The following GRIK1 variants were observed in gnomAD, a reference collection of about 807,000 sequenced individuals.
GRIK1 encodes glutamate ionotropic receptor kainate type subunit 1.
Under a neutral mutation model 105.7 loss-of-function variants are expected in GRIK1, and 69 were observed. The ratio of observed to expected loss-of-function variants is 0.65; its 90% CI spans 0.54 to 0.80. GRIK1 has a LOEUF of 0.80. Among genes scored for constraint, GRIK1 ranks in the 30% least tolerant of loss-of-function variants. GRIK1 has a pLI of 0.00. For missense variants in GRIK1, 1,109 were observed against 1,167.3 expected, an observed-to-expected ratio of 0.95 and a Z score of 0.73; for synonymous variants, 438 against 431.3, an observed-to-expected ratio of 1.02 and a Z score of -0.19.
intron 1 of GRIK1, among the ~76,000 whole-genome samples, chr21:29,698,130 C>T (rs973994133): frequency 8.6e-5 from 13 of 151,794 alleles, no homozygotes; most frequent in African/African-American, 3.1e-4. Flanking sequence ...GTCAATGAGA[C>T]GTCTGAAGGC....
At chr21:29,746,734 A>G (rs1203451258) in intron 1 of GRIK1, among the ~76,000 whole-genome samples, 2 of 152,244 alleles carry the variant, frequency 1.3e-5, no homozygotes, top group Non-Finnish European at 2.9e-5. Context: ...AGGACATTAA[A>G]AGAGATGACA....
chr21:29,811,721 T>C (rs1325829743), intron 1 of GRIK1, among the ~76,000 whole-genome samples: 1 of 152,144 alleles, frequency 6.6e-6, no homozygotes, highest in Non-Finnish European at 1.5e-5. Flanking sequence ...CGTGACTTCC[T>C]ATCCTCAGTG....
At chr21:29,545,733 C>A (rs1434638362) in intron 16 of GRIK1, among the ~76,000 whole-genome samples, 1 of 152,086 alleles carries the variant, frequency 6.6e-6, no homozygotes, top group East Asian at 1.9e-4. Context: ...GCACTACATG[C>A]ATAGTTTTCG....
intron 1 of GRIK1, among the ~76,000 whole-genome samples, chr21:29,694,313 G>A (rs1302457265): frequency 1.3e-5 from 2 of 151,838 alleles, no homozygotes; most frequent in Admixed American, 6.6e-5. Context: ...TAGTAGAGAT[G>A]GGGTTTCCCC....
At chr21:29,643,031 A>G (rs528668269) in intron 6 of GRIK1, 62 bp from the exon 7 acceptor site, 2 of 1,479,270 alleles carry the variant, frequency 1.4e-6, no homozygotes, top group Middle Eastern at 1.8e-4. Flanking sequence ...CTTTACTTGC[A>G]TAATCACTCT....
chr21:29,668,466 G>A (rs1001848673), intron 4 of GRIK1, among the ~76,000 whole-genome samples: 7 of 152,192 alleles, frequency 4.6e-5, no homozygotes, highest in African/African-American at 1.2e-4. Flanking sequence ...GCTGTGTCAC[G>A]TGGCCAGAAA....
intron 1 of GRIK1, among the ~76,000 whole-genome samples, chr21:29,772,587 TC>T (rs1240485976): frequency 1.3e-5 from 2 of 152,136 alleles, no homozygotes; most frequent in East Asian, 1.9e-4. Context: ...CTATTTGTCA[TC>T]CCCCCCACCC....
chr21:29,777,531 C>T lies in GRIK1; in HGVS notation c.119-83468G>A, dbSNP rs185470340. 2.0e-5 allele frequency among the ~76,000 whole-genome samples: 3 copies of T among 152,132 alleles called. No individual in the cohort carries two copies. In the East Asian group the frequency reaches 5.8e-4, roughly 29 times the overall value. ...GGTATGGATAACAGCATTGAAAAGG[C>T]CCAAGTCAAGAAAGCATTTGAAAAA... On this transcript the variant is annotated intron_variant, in intron 1 of 17. Coordinates refer to ENST00000327783, the MANE Select transcript of GRIK1 (RefSeq NM_001330994.2).
At chr21:29,732,459 A>T (rs2064657732) in intron 1 of GRIK1, among the ~76,000 whole-genome samples, 1 of 152,192 alleles carries the variant, frequency 6.6e-6, no homozygotes, top group South Asian at 2.1e-4. Flanking sequence ...TCTTCAAGTG[A>T]TGCATCCTAA....
At chr21:29,712,683 T>C (rs1337560137) in intron 1 of GRIK1, among the ~76,000 whole-genome samples, 1 of 152,226 alleles carries the variant, frequency 6.6e-6, no homozygotes, top group Non-Finnish European at 1.5e-5. Context: ...TCTTTGTTAG[T>C]TCTGAAGTCT....
chr21:29,776,887 T>C (rs2065959731), intron 1 of GRIK1, among the ~76,000 whole-genome samples: 1 of 152,224 alleles, frequency 6.6e-6, no homozygotes, highest in Admixed American at 6.5e-5. Flanking sequence ...GTTCTGGGAC[T>C]GTGCTTGAAC....
At chr21:29,817,417 A>T (rs1442507505) in intron 1 of GRIK1, among the ~76,000 whole-genome samples, 2 of 152,158 alleles carry the variant, frequency 1.3e-5, no homozygotes, top group African/African-American at 4.8e-5. Flanking sequence ...TAATAATAGT[A>T]AATTGTTAGT....
chr21:29,781,711 C>A (rs1370508428), intron 1 of GRIK1, among the ~76,000 whole-genome samples: 2 of 70,924 alleles, frequency 2.8e-5, no homozygotes, highest in South Asian at 1.4e-3. Context: ...TCGCCCAGGC[C>A]GGACTGCGGA....
chr21:29,668,090 C>T (rs888967361), intron 4 of GRIK1, among the ~76,000 whole-genome samples: 1 of 152,186 alleles, frequency 6.6e-6, no homozygotes, highest in African/African-American at 2.4e-5. Flanking sequence ...CAGTTCTTGG[C>T]TCATTCATTC....
chr21:29,894,989 GACT>G (rs2070075008), intron 1 of GRIK1, among the ~76,000 whole-genome samples: 1 of 152,150 alleles, frequency 6.6e-6, no homozygotes, highest in Non-Finnish European at 1.5e-5. Context: ...GAATGGAAAA[GACT>G]GCAAGCAAAT....
At chr21:29,796,071 G>A (rs2066547668) in intron 1 of GRIK1, among the ~76,000 whole-genome samples, 1 of 152,198 alleles carries the variant, frequency 6.6e-6, no homozygotes, top group African/African-American at 2.4e-5. Context: ...ATAAAGGATA[G>A]GACTCAGTTA....
chr21:29,819,111 T>A (rs2067230898), intron 1 of GRIK1, among the ~76,000 whole-genome samples: 1 of 152,120 alleles, frequency 6.6e-6, no homozygotes. Flanking sequence ...AAGCTATGCT[T>A]ACATTATTAA....
intron 7 of GRIK1, among the ~76,000 whole-genome samples, chr21:29,631,728 T>C (rs537797936): frequency 3.9e-5 from 6 of 152,330 alleles, no homozygotes; most frequent in African/African-American, 1.4e-4. Flanking sequence ...ATAATTTGAA[T>C]ATTGATGACA....
At chr21:29,912,433 C>T (rs2070850520) in intron 1 of GRIK1, among the ~76,000 whole-genome samples, 1 of 152,040 alleles carries the variant, frequency 6.6e-6, no homozygotes, top group African/African-American at 2.4e-5. Flanking sequence ...CAAGCTCTCT[C>T]ATCAGTAAAT....
Sources: gnomAD v4.1 joint callset for allele counts (sites outside exome capture counted in the v4.1 genomes callset) on GRCh38, gnomAD v4.1.1 for gene constraint, MANE v1.5 for transcripts, NCBI Gene and HGNC (gene_info 2026-07-23, HGNC 2026-07-21) for gene names.